The following NRXN3 variants were observed in gnomAD, a reference collection of about 807,000 sequenced individuals.
NRXN3 encodes neurexin III.
NRXN3 carries 32 observed loss-of-function variants against 137.6 expected under a neutral mutation model. The observed-to-expected ratio is 0.23, with a 90% CI of 0.18 to 0.31. The LOEUF (loss-of-function observed/expected upper bound fraction) is 0.31. Among genes scored for constraint, NRXN3 ranks in the 10% least tolerant of loss-of-function variants. NRXN3 has a pLI of 1.00. For synonymous variants in NRXN3, 798 were observed against 784.5 expected, an observed-to-expected ratio of 1.02 and a Z score of -0.29; for missense variants, 1,574 against 2,062.5, an observed-to-expected ratio of 0.76 and a Z score of 4.59.
At chr14:79,230,667 C>CA (rs2072008100) in intron 15 of NRXN3, among the ~76,000 whole-genome samples, 1 of 152,100 alleles carries the variant, frequency 6.6e-6, no homozygotes, top group African/African-American at 2.4e-5. Flanking sequence ...GAATTAGTAT[C>CA]CTAATTAATT....
chr14:79,340,909 T>A (rs1346234330), intron 15 of NRXN3, among the ~76,000 whole-genome samples: 1 of 152,234 alleles, frequency 6.6e-6, no homozygotes, highest in Non-Finnish European at 1.5e-5. Flanking sequence ...CTCTTTCTTT[T>A]AGTATTTTAT....
chr14:79,236,080 A>G (rs1358471931), intron 15 of NRXN3, among the ~76,000 whole-genome samples: 2 of 152,146 alleles, frequency 1.3e-5, no homozygotes, highest in Non-Finnish European at 2.9e-5. Context: ...GCAAGAGAAT[A>G]ATTACACTTT....
intron 10 of NRXN3, among the ~76,000 whole-genome samples, chr14:78,956,079 A>T (rs900063046): frequency 6.6e-6 from 1 of 152,202 alleles, no homozygotes; most frequent in Non-Finnish European, 1.5e-5. Context: ...ACTATTTCAC[A>T]TATATCCATA....
At chr14:79,855,933 C>G (rs1229818623) in intron 20 of NRXN3, among the ~76,000 whole-genome samples, 2 of 152,090 alleles carry the variant, frequency 1.3e-5, no homozygotes, top group African/African-American at 4.8e-5. Flanking sequence ...CTAGAGAGTT[C>G]CGATGTTAAG....
At chr14:79,085,969 C>T (rs1459905653) in intron 15 of NRXN3, among the ~76,000 whole-genome samples, 1 of 152,180 alleles carries the variant, frequency 6.6e-6, no homozygotes, top group African/African-American at 2.4e-5. Flanking sequence ...ATGTTCTCAT[C>T]TCTCATTTGA....
At position 78,954,772 on chromosome 14, in the gene NRXN3, T is replaced by TG. The variant is rs1410809707; in HGVS notation, c.2276-2470_2276-2469insG. Among the ~76,000 whole-genome samples, 152 of 149,984 alleles carry TG rather than the reference T, an allele frequency of 1.0e-3. No homozygotes were observed. The Middle Eastern group carries it at 0.01, about 10-fold the overall frequency. On this transcript the variant is annotated intron_variant, in intron 10 of 20. Transcript: ENST00000335750. The stretch of plus-strand genomic sequence containing the variant: ...GAGCCACTGCACCTGGCCTGGTTTT[T>TG]TTTTTTTTTTTTTTTTTTACATTTT...
chr14:79,172,283 G>T (rs964451275), intron 15 of NRXN3, among the ~76,000 whole-genome samples: 1 of 151,806 alleles, frequency 6.6e-6, no homozygotes, highest in African/African-American at 2.4e-5. Flanking sequence ...AGCTTCCATT[G>T]CCTTACTTGT....
At chr14:78,184,789 C>G (rs2060095219) in intron 1 of NRXN3, among the ~76,000 whole-genome samples, 1 of 152,080 alleles carries the variant, frequency 6.6e-6, no homozygotes. Flanking sequence ...AGAGCCGTGT[C>G]TGGAGCCTGG....
At position 78,214,794 on chromosome 14, in the gene NRXN3, G is replaced by A. The variant is rs112328526; in HGVS notation, c.-703-27597G>A. The stretch of plus-strand genomic sequence containing the variant: ...GACTTCCCCGTGTTTACATGGCAAG[G>A]GGCGCCAGAGCTGGGGCTCACACCT... On this transcript the variant is annotated intron_variant, in intron 1 of 20. Coordinates refer to ENST00000335750, the MANE Select transcript of NRXN3 (RefSeq NM_001330195.2). Among the ~76,000 whole-genome samples the A allele has an allele frequency of 4.6e-3, 700 of 152,264 alleles. 5 individuals carry two copies. Among genetic ancestry groups the A allele is most frequent in the Non-Finnish European group, 8.1e-3 (550 of 68,030 alleles).
intron 3 of NRXN3, among the ~76,000 whole-genome samples, chr14:78,284,953 G>A (rs937409089): frequency 6.6e-6 from 1 of 152,218 alleles, no homozygotes; most frequent in Non-Finnish European, 1.5e-5. Flanking sequence ...CTTTGCCCAA[G>A]GTCAGAAGCA....
chr14:79,769,962 A>G (rs375073054), intron 19 of NRXN3, among the ~76,000 whole-genome samples: 7 of 152,214 alleles, frequency 4.6e-5, no homozygotes, highest in East Asian at 3.9e-4. Flanking sequence ...AAAAAAGGCA[A>G]GGGTTGCAAT....
chr14:79,394,637 A>C (rs990776624), intron 15 of NRXN3, among the ~76,000 whole-genome samples: 37 of 152,196 alleles, frequency 2.4e-4, no homozygotes, highest in Non-Finnish European at 1.6e-4. Flanking sequence ...ACACCAGGTG[A>C]ATTAAATCAG....
chr14:79,076,648 A>T (rs952292253), intron 15 of NRXN3, among the ~76,000 whole-genome samples: 4 of 152,186 alleles, frequency 2.6e-5, no homozygotes, highest in African/African-American at 9.7e-5. Flanking sequence ...TGTCACCTCT[A>T]CTGTATTCTA....
chr14:79,577,018 A>C (rs968858107), intron 16 of NRXN3, among the ~76,000 whole-genome samples: 1 of 152,090 alleles, frequency 6.6e-6, no homozygotes, highest in Non-Finnish European at 1.5e-5. Flanking sequence ...GGTGGAGGTA[A>C]TAGGATCATG....
intron 4 of NRXN3, among the ~76,000 whole-genome samples, chr14:78,393,362 A>G (rs1173206821): frequency 6.6e-6 from 1 of 152,108 alleles, no homozygotes; most frequent in Non-Finnish European, 1.5e-5. Flanking sequence ...CGCTGATATC[A>G]TCAAGATACA....
chr14:78,546,577 AGT>A (rs761658738), intron 4 of NRXN3, among the ~76,000 whole-genome samples: 31 of 152,272 alleles, frequency 2.0e-4, no homozygotes, highest in Admixed American at 4.6e-4. Flanking sequence ...ACCTTTAAAA[AGT>A]GTGTTTAGTT....
chr14:79,215,622 T>G (rs2068370209), intron 15 of NRXN3, among the ~76,000 whole-genome samples: 2 of 152,242 alleles, frequency 1.3e-5, no homozygotes, highest in South Asian at 2.1e-4. Flanking sequence ...CTCATGAGAC[T>G]TATTCACTAC....
At chr14:78,623,234 A>G (rs547355055) in intron 4 of NRXN3, among the ~76,000 whole-genome samples, 2 of 152,328 alleles carry the variant, frequency 1.3e-5, no homozygotes, top group South Asian at 4.1e-4. Context: ...CTCAGATTTC[A>G]TGAGAGTTTA....
intron 15 of NRXN3, among the ~76,000 whole-genome samples, chr14:79,066,530 A>T (rs917863388): frequency 5.3e-5 from 8 of 152,034 alleles, no homozygotes; most frequent in Non-Finnish European, 1.0e-4. Context: ...AAGAATGTCA[A>T]TGGTAGTTTA....
Sources: gnomAD v4.1 joint callset for allele counts (sites outside exome capture counted in the v4.1 genomes callset) on GRCh38, gnomAD v4.1.1 for gene constraint, MANE v1.5 for transcripts, NCBI Gene and HGNC (gene_info 2026-07-23, HGNC 2026-07-21) for gene names.